HES1: variants seen among roughly 807,000 people sequenced by gnomAD.
The protein encoded by HES1 is hes family bHLH transcription factor 1.
In HES1, 7 loss-of-function variants were observed where a neutral mutation model predicts 21.0. The ratio of observed to expected loss-of-function variants is 0.33; its 90% CI spans 0.19 to 0.63. The LOEUF (loss-of-function observed/expected upper bound fraction) is 0.63, where lower values mean the gene tolerates loss of function less well. HES1 is among the 20% of genes least tolerant of loss of function. The pLI is 0.78. For synonymous variants in HES1, 169 were observed against 171.2 expected, an observed-to-expected ratio of 0.99 and a Z score of 0.10; for missense variants, 338 against 389.8, an observed-to-expected ratio of 0.87 and a Z score of 1.12.
chr3:194,137,506 G>A lies in HES1; in HGVS notation c.293-177G>A, dbSNP rs547170834. On this transcript the variant is annotated intron_variant, in intron 3 of 3. Coordinates refer to ENST00000232424, the MANE Select transcript of HES1 (RefSeq NM_005524.4). This position sits in a 1 kb window ranked among gnomAD's most constrained non-coding sequence, Gnocchi z 5.4. The stretch of plus-strand genomic sequence containing the variant: ...GGAAGGAGTGGCTCGGCTTTTGGCA[G>A]CAACGCTAGTGTGGAGAGGTGGCTG... Among the ~76,000 whole-genome samples the A allele has an allele frequency of 2.0e-5, 3 of 152,340 alleles. No individual in the cohort carries two copies. The South Asian group carries it at 6.2e-4, about 32-fold the overall frequency.
In HES1 at chr3:194,137,626, C is replaced by G; in HGVS notation, c.293-57C>G. On this transcript the variant is annotated intron_variant, in intron 3 of 3. Coordinates refer to ENST00000232424, the MANE Select transcript of HES1 (RefSeq NM_005524.4). The surrounding 1 kb of genome is among the most constrained non-coding windows in gnomAD (Gnocchi z 5.4). Reference sequence around the variant, plus strand: ...CCACAGGGACCTCCCAGGGCGGAGGCAGTGGCCACGGGGCCAGGGCCGTTC... The same window carrying G: ...CCACAGGGACCTCCCAGGGCGGAGGGAGTGGCCACGGGGCCAGGGCCGTTC... The G allele has an allele frequency of 6.7e-7, 1 of 1,485,568 alleles. No individual in the cohort carries two copies. The allele number at this position is 1,485,568 out of a possible 1,614,324, so 92.0% of individuals were successfully genotyped here.
rs1560222752 is a variant in HES1, at chr3:194,136,298, AAG to A, written c.-79_-78del. 3 of 815,890 alleles carry A rather than the reference AAG, an allele frequency of 3.7e-6. No individual in the cohort carries two copies. The highest frequency in any genetic ancestry group is 5.9e-6 in the Non-Finnish European group (3 of 511,998). 50.5% of individuals were successfully genotyped at this position (815,890 alleles called of 1,614,324 possible). On this transcript the variant is annotated 5_prime_UTR_variant, in exon 1 of 4. Coordinates refer to ENST00000232424, the MANE Select transcript of HES1 (RefSeq NM_005524.4). ...GTAGTTTTGTGAAAGTCTCAAGTAA[AAG>A]AGACACAAACAAAAAATTCTTTTTC... is the stretch of plus-strand genomic sequence containing the variant.
chr3:194,136,249 T>A lies in HES1; in HGVS notation c.-132T>A. The A allele has an allele frequency of 1.6e-6, 1 of 632,042 alleles. No homozygotes were observed. 39.2% of individuals were successfully genotyped at this position (632,042 alleles called of 1,614,324 possible). On this transcript the variant is annotated 5_prime_UTR_variant, in exon 1 of 4. Coordinates refer to ENST00000232424, the MANE Select transcript of HES1 (RefSeq NM_005524.4). The stretch of plus-strand genomic sequence containing the variant: ...CTGATCACCAAGTAGCCACAAAATA[T>A]AATAAACCCTCAGCACTTGCTCAGT...
In HES1 at chr3:194,136,969, G is replaced by C. The variant is rs764460072; in HGVS notation, c.213G>C (p.Arg71=). ...ILDALKKDSS[R]HSKLEKADIL... ...TTGCCTACTCTATGCAGAGCTCGCG[G>C]CATTCCAAGCTGGAGAAGGCGGACA... The change falls in exon 3 of 4, where the codon CGG becomes CGC. Residue 71 remains arginine, a synonymous_variant. Coordinates refer to ENST00000232424, the MANE Select transcript of HES1 (RefSeq NM_005524.4). 15 of 1,614,034 alleles carry C rather than the reference G, an allele frequency of 9.3e-6. No homozygotes were observed. In the Admixed American group the frequency reaches 2.5e-4, roughly 27 times the overall value.
In HES1 at chr3:194,138,128, C is replaced by T. The variant is rs1347865387; in HGVS notation, c.738C>T (p.Pro246=). 1.9e-6 allele frequency: 3 copies of T among 1,612,844 alleles called. No individual in the cohort carries two copies. In the East Asian group the frequency reaches 6.7e-5, roughly 36 times the overall value. ...GAFAHSGPVI[P]VYTSNSGTSV... ...TCGCGCACAGCGGCCCTGTCATCCC[C>T]GTCTACACCAGCAACAGCGGCACCT... The change falls in exon 4 of 4, where the codon CCC becomes CCT. Residue 246 remains proline, a synonymous_variant. Transcript: ENST00000232424.
At position 194,136,334 on chromosome 3, in the gene HES1, C is replaced by T. The variant is rs1323734710; in HGVS notation, c.-47C>T. The T allele has an allele frequency of 8.4e-7, 1 of 1,193,170 alleles. No homozygotes were observed. The highest frequency in any genetic ancestry group is 2.7e-5 in the Admixed American group (1 of 37,252). 73.9% of individuals were successfully genotyped at this position (1,193,170 alleles called of 1,614,324 possible). A position where few individuals can be genotyped will look rare whatever the true frequency, so the allele number is the denominator to read the frequency against. ...ACAAAAAATTCTTTTTCGTGAAGAA[C>T]TCCAAAAATAAAATTCTCTAGAGAT... On this transcript the variant is annotated 5_prime_UTR_variant, in exon 1 of 4. Transcript: ENST00000232424.
chr3:194,136,831 C>A (rs767878985), intron 2 of HES1, 119 bp downstream of exon 2: 5 of 1,362,546 alleles, frequency 3.7e-6, no homozygotes, highest in Non-Finnish European at 5.3e-6. Context: ...TTCTCCCAGG[C>A]GGGAGGGCCC....
rs1413348468 is a variant in HES1 at position 194,137,289 on chromosome 3, G to A, written c.292+241G>A. ...GGCGGGCGCCGGGTAGGGGCGAAAG[G>A]ACTTAGGACTGTGGCGGTTTGGAAC... On this transcript the variant is annotated intron_variant, in intron 3 of 3. Coordinates refer to ENST00000232424, the MANE Select transcript of HES1 (RefSeq NM_005524.4). This position sits in a 1 kb window ranked among gnomAD's most constrained non-coding sequence, Gnocchi z 5.4. 3.4e-6 allele frequency: 2 copies of A among 596,738 alleles called. No individual in the cohort carries two copies. Among genetic ancestry groups the A allele is most frequent in the East Asian group, 2.8e-5 (1 of 35,772 alleles). The allele number at this position is 596,738 out of a possible 1,614,324, so 37.0% of individuals were successfully genotyped here. A position where few individuals can be genotyped will look rare whatever the true frequency, so the allele number is the denominator to read the frequency against.
In HES1 at chr3:194,137,701, C is replaced by T; in HGVS notation, c.311C>T (p.Pro104Leu). ...AQMTAALSTDPSVLGKYRAGF... is the reference protein window; with the variant it reads ...AQMTAALSTDLSVLGKYRAGF... The stretch of plus-strand genomic sequence containing the variant: ...CCCGCAGCTGCGCTGAGCACAGACC[C>T]AAGTGTGCTGGGGAAGTACCGAGCC... The change falls in exon 4 of 4, where the codon CCA (proline) becomes CTA (leucine). Residue 104 changes from proline to leucine, a missense_variant. Coordinates refer to ENST00000232424, the MANE Select transcript of HES1 (RefSeq NM_005524.4). This position sits in a 1 kb window ranked among gnomAD's most constrained non-coding sequence, Gnocchi z 5.4. 1 of 1,612,148 alleles carries T rather than the reference C, an allele frequency of 6.2e-7. No individual in the cohort carries two copies. The highest frequency in any genetic ancestry group is 1.1e-5 in the South Asian group (1 of 90,644).
Position 194,136,701 on chromosome 3 carries a change from C to G in HES1, c.193C>G (p.Leu65Val). ...SQLKTLILDALKKDSSRHSKL... is the reference protein window; with the variant it reads ...SQLKTLILDAVKKDSSRHSKL... ...GCTGAAAACACTGATTTTGGATGCT[C>G]TGAAGAAAGATGTAAGTGGGGAAAT... The change falls in exon 2 of 4, where the codon CTG (leucine) becomes GTG (valine). Residue 65 changes from leucine to valine, a missense_variant. Physicochemically the swap from Leu to Val is conservative, Grantham distance 32. Coordinates refer to ENST00000232424, the MANE Select transcript of HES1 (RefSeq NM_005524.4). 2 of 1,612,626 alleles carry G rather than the reference C, an allele frequency of 1.2e-6. No homozygotes were observed. The highest frequency in any genetic ancestry group is 1.7e-6 in the Non-Finnish European group (2 of 1,178,592).
In HES1 at chr3:194,137,795, G is replaced by A; in HGVS notation, c.405G>A (p.Val135=). Residue 135 remains valine, a synonymous_variant, in exon 4 of 4, where the codon GTG becomes GTA. Transcript: ENST00000232424. This position sits in a 1 kb window ranked among gnomAD's most constrained non-coding sequence, Gnocchi z 5.4. ...CGTGCGAGGGCGTTAATACCGAGGT[G>A]CGCACTCGGCTGCTCGGCCACCTGG... ...LSTCEGVNTE[V]RTRLLGHLAN... 2.5e-6 allele frequency: 4 copies of A among 1,613,652 alleles called. No homozygotes were observed. Among genetic ancestry groups the A allele is most frequent in the Non-Finnish European group, 3.4e-6 (4 of 1,179,910 alleles).
Position 194,138,106 on chromosome 3 carries a change from C to A in HES1, c.716C>A (p.Ala239Glu), listed in dbSNP as rs1436149683. ...TTCCTCATTCCCAACGGGGCCTTCG[C>A]GCACAGCGGCCCTGTCATCCCCGTC... ...FAFLIPNGAF[A>E]HSGPVIPVYT... is the part of the protein sequence containing the mutation. The change falls in exon 4 of 4, where the codon GCG becomes GAG. Residue 239 changes from alanine to glutamate, a missense_variant. By Grantham distance (107) the Ala-to-Glu change is moderately radical. Transcript: ENST00000232424. 1 of 1,612,290 alleles carries A rather than the reference C, an allele frequency of 6.2e-7. No homozygotes were observed. The highest frequency in any genetic ancestry group is 1.7e-5 in the Admixed American group (1 of 59,814).
At position 194,137,645 on chromosome 3, in the gene HES1, G is replaced by T. The variant is rs76154729; in HGVS notation, c.293-38G>T. On this transcript the variant is annotated intron_variant, in intron 3 of 3. Coordinates refer to ENST00000232424, the MANE Select transcript of HES1 (RefSeq NM_005524.4). This position sits in a 1 kb window ranked among gnomAD's most constrained non-coding sequence, Gnocchi z 5.4. ...CGGAGGCAGTGGCCACGGGGCCAGGGCCGTTCGGTGACCCGTCTGTCTCTT... is the reference window on the plus strand; with the variant it reads ...CGGAGGCAGTGGCCACGGGGCCAGGTCCGTTCGGTGACCCGTCTGTCTCTT... The T allele has an allele frequency of 1.3e-3, 1,954 of 1,544,688 alleles. 44 individuals are homozygous for T. In the East Asian group the frequency reaches 0.04, roughly 32 times the overall value.
rs1286771187 is a variant in HES1, at chr3:194,138,358, T to C, written c.*125T>C. On this transcript the variant is annotated 3_prime_UTR_variant, in exon 4 of 4. Transcript: ENST00000232424. ...TTGATTAAGTGGTTACTTTGTGTTT[T>C]TTTAATTTCTAAGAAGTTACTTTTT... 5.8e-6 allele frequency: 6 copies of C among 1,041,346 alleles called. No homozygotes were observed. Among genetic ancestry groups the C allele is most frequent in the Non-Finnish European group, 7.8e-6 (6 of 766,726 alleles). The allele number at this position is 1,041,346 out of a possible 1,614,324, so 64.5% of individuals were successfully genotyped here. A position where few individuals can be genotyped will look rare whatever the true frequency, so the allele number is the denominator to read the frequency against.
intron 1 of HES1, 56 bp from the exon 2 acceptor site, chr3:194,136,561 G>C (rs1715343448): frequency 6.4e-7 from 1 of 1,572,854 alleles, no homozygotes; most frequent in Non-Finnish European, 8.7e-7. Context: ...TTTCTGTCTT[G>C]AAACCCCGGG....
Position 194,136,207 on chromosome 3 carries a change from G to C in HES1, c.-174G>C. 1 of 584,264 alleles carries C rather than the reference G, an allele frequency of 1.7e-6. No individual in the cohort carries two copies. The highest frequency in any genetic ancestry group is 3.1e-5 in the Admixed American group (1 of 32,452). The allele number at this position is 584,264 out of a possible 1,614,324, so 36.2% of individuals were successfully genotyped here. ...AATCCCCCGTCTACCTCTCTCCTTG[G>C]TCCTGGAACAGCGCTACTGATCACC... On this transcript the variant is annotated 5_prime_UTR_variant, in exon 1 of 4. Transcript: ENST00000232424.
In HES1 at chr3:194,136,197, T is replaced by G. The variant is rs1456887003; in HGVS notation, c.-184T>G. On this transcript the variant is annotated 5_prime_UTR_variant, in exon 1 of 4. Transcript: ENST00000232424. The stretch of plus-strand genomic sequence containing the variant: ...ATAACAGCGGAATCCCCCGTCTACC[T>G]CTCTCCTTGGTCCTGGAACAGCGCT... The G allele has an allele frequency of 3.6e-6, 2 of 562,300 alleles. No homozygotes were observed. Among genetic ancestry groups the G allele is most frequent in the Non-Finnish European group, 6.4e-6 (2 of 313,716 alleles). 34.8% of individuals were successfully genotyped at this position (562,300 alleles called of 1,614,324 possible).
At position 194,137,819 on chromosome 3, in the gene HES1, G is replaced by A. The variant is rs1715383593; in HGVS notation, c.429G>A (p.Leu143=). 2 of 1,613,190 alleles carry A rather than the reference G, an allele frequency of 1.2e-6. No individual in the cohort carries two copies. Among genetic ancestry groups the A allele is most frequent in the East Asian group, 2.2e-5 (1 of 44,878 alleles). ...TEVRTRLLGH[L]ANCMTQINAM... ...TGCGCACTCGGCTGCTCGGCCACCT[G>A]GCCAACTGCATGACCCAGATCAATG... The change falls in exon 4 of 4, where the codon CTG becomes CTA. Residue 143 remains leucine, a synonymous_variant. Transcript: ENST00000232424. This position sits in a 1 kb window ranked among gnomAD's most constrained non-coding sequence, Gnocchi z 5.4.
Sources: allele counts gnomAD v4.1 joint callset (sites outside exome capture counted in the v4.1 genomes callset), GRCh38; gene constraint gnomAD v4.1.1; non-coding constraint Gnocchi (gnomAD v3.1); transcripts MANE v1.5; gene names NCBI Gene and HGNC (gene_info 2026-07-23, HGNC 2026-07-21).